The following SUPT3H variants were observed in gnomAD, a reference collection of about 807,000 sequenced individuals.
The protein encoded by SUPT3H is transcription initiation protein SPT3 homolog.
SUPT3H carries 44 observed loss-of-function variants against 44.3 expected under a neutral mutation model. That is an observed-to-expected ratio of 0.99 (90% CI 0.78 to 1.28). The LOEUF is 1.28. SUPT3H is among the 50% of genes most tolerant of loss of function. The pLI, the probability that SUPT3H is intolerant of heterozygous loss-of-function variation, is 0.00. For synonymous variants in SUPT3H, 124 were observed against 125.6 expected, an observed-to-expected ratio of 0.99 and a Z score of 0.09; for missense variants, 380 against 387.1, an observed-to-expected ratio of 0.98 and a Z score of 0.15.
intron 3 of SUPT3H, among the ~76,000 whole-genome samples, chr6:45,053,658 G>C (rs774495726): frequency 2.7e-5 from 4 of 150,734 alleles, no homozygotes; most frequent in Non-Finnish European, 5.9e-5. Flanking sequence ...CAGCACTTTG[G>C]GAGGCCGAAG....
intron 5 of SUPT3H, among the ~76,000 whole-genome samples, chr6:45,012,490 T>C (rs1427154261): frequency 6.6e-6 from 1 of 152,096 alleles, no homozygotes; most frequent in East Asian, 1.9e-4. Flanking sequence ...AACTCCGTAA[T>C]TTCTATTTTT....
At chr6:44,890,675 G>T (rs1763144225) in intron 10 of SUPT3H, among the ~76,000 whole-genome samples, 2 of 149,648 alleles carry the variant, frequency 1.3e-5, no homozygotes, top group Admixed American at 1.3e-4. Context: ...GAGTTAATGG[G>T]TGCAGCACAC....
At chr6:45,165,664 T>G (rs1317745463) in intron 2 of SUPT3H, among the ~76,000 whole-genome samples, 2 of 151,792 alleles carry the variant, frequency 1.3e-5, no homozygotes. Context: ...ACAAAAAATA[T>G]CAAATGAAAG....
At chr6:44,994,094 G>C (rs1259698119) in intron 6 of SUPT3H, among the ~76,000 whole-genome samples, 1 of 151,960 alleles carries the variant, frequency 6.6e-6, no homozygotes, top group Non-Finnish European at 1.5e-5. Context: ...GTAATAATTA[G>C]AATAGTAACC....
chr6:45,342,776 C>T (rs1790072084), intron 2 of SUPT3H, among the ~76,000 whole-genome samples: 4 of 151,798 alleles, frequency 2.6e-5, no homozygotes, highest in Admixed American at 2.6e-4. Context: ...TGAACCCATA[C>T]AAAAAAATAC....
intron 2 of SUPT3H, among the ~76,000 whole-genome samples, chr6:45,204,400 G>A (rs978202533): frequency 6.6e-6 from 1 of 152,054 alleles, no homozygotes; most frequent in Non-Finnish European, 1.5e-5. Context: ...CCATGCAGAA[G>A]ATACACAGGT....
At chr6:45,292,858 A>C (rs1031595337) in intron 2 of SUPT3H, among the ~76,000 whole-genome samples, 1 of 151,324 alleles carries the variant, frequency 6.6e-6, no homozygotes, top group African/African-American at 2.4e-5. Context: ...AGACCTAAGA[A>C]ATGAGATAGA....
intron 2 of SUPT3H, among the ~76,000 whole-genome samples, chr6:45,321,174 G>A (rs1423036510): frequency 1.3e-5 from 2 of 151,898 alleles, no homozygotes; most frequent in Non-Finnish European, 2.9e-5. Context: ...TTTTTTTACT[G>A]TGAATAAAAT....
chr6:45,070,428 T>A (rs889673677), intron 3 of SUPT3H, among the ~76,000 whole-genome samples: 2 of 152,134 alleles, frequency 1.3e-5, no homozygotes, highest in Non-Finnish European at 2.9e-5. Flanking sequence ...TAAGGTCACA[T>A]GCATGGACAA....
At chr6:44,990,862 A>G (rs1481590281) in intron 6 of SUPT3H, among the ~76,000 whole-genome samples, 1 of 149,306 alleles carries the variant, frequency 6.7e-6, no homozygotes, top group African/African-American at 2.5e-5. Context: ...ATTTAAAATA[A>G]ATTTATTATT....
intron 2 of SUPT3H, among the ~76,000 whole-genome samples, chr6:45,267,302 A>T (rs1298731253): frequency 6.6e-6 from 1 of 152,228 alleles, no homozygotes; most frequent in Non-Finnish European, 1.5e-5. Context: ...GGAGTTAACA[A>T]GGACATCTAA....
intron 9 of SUPT3H, among the ~76,000 whole-genome samples, chr6:44,938,047 T>C (rs1771775833): frequency 6.6e-6 from 1 of 151,738 alleles, no homozygotes; most frequent in Non-Finnish European, 1.5e-5. Flanking sequence ...CACTATCTTA[T>C]TTCTTTTTCC....
chr6:45,184,775 GAAAAAAAAAAAAAAAA>G (rs55652227), intron 2 of SUPT3H, among the ~76,000 whole-genome samples: 74,843 of 130,354 alleles, frequency 0.57, 19,965 homozygotes, highest in East Asian at 0.76. Flanking sequence ...ACAGGCAGAG[GAAAAAAAAAAAAAAAA>G]AAAAAAAAAA....
chr6:44,895,187 G>A (rs905057212), intron 10 of SUPT3H, among the ~76,000 whole-genome samples: 8 of 150,982 alleles, frequency 5.3e-5, no homozygotes, highest in Admixed American at 5.3e-4. Flanking sequence ...AGATGTATCA[G>A]AGGTGGTCTT....
intron 2 of SUPT3H, among the ~76,000 whole-genome samples, chr6:45,283,472 G>A (rs1378940035): frequency 1.1e-4 from 17 of 151,808 alleles, no homozygotes; most frequent in Admixed American, 2.0e-4. Context: ...ACCAACAAAG[G>A]TCAAAAGAGA....
Position 44,968,098 on chromosome 6 carries a change from A to T in SUPT3H, c.505-6270T>A, listed in dbSNP as rs548121198. Among the ~76,000 whole-genome samples, 284 of 151,874 alleles carry T rather than the reference A, an allele frequency of 1.9e-3. 1 individual carries two copies. The highest frequency in any genetic ancestry group is 6.3e-3 in the African/African-American group (261 of 41,470). The stretch of plus-strand genomic sequence containing the variant: ...ATGAGCCACTGCACCTGGCCAAAAA[A>T]TTTTTTTTAATCTTATTCTGATTAC... On this transcript the variant is annotated intron_variant, in intron 6 of 10. Coordinates refer to ENST00000371459, the MANE Select transcript of SUPT3H (RefSeq NM_003599.4).
At chr6:45,219,455 C>T (rs75275564) in intron 2 of SUPT3H, among the ~76,000 whole-genome samples, 2,145 of 151,992 alleles carry the variant, frequency 0.014, 24 homozygotes, top group Non-Finnish European at 0.022. Context: ...ACGACATTAC[C>T]ACAAATCCTG....
At chr6:45,318,152 T>C (rs1784976591) in intron 2 of SUPT3H, among the ~76,000 whole-genome samples, 1 of 152,126 alleles carries the variant, frequency 6.6e-6, no homozygotes, top group South Asian at 2.1e-4. Context: ...AGATCCGTTG[T>C]CACAATGGTT....
chr6:45,040,444 G>C (rs1054559420), intron 3 of SUPT3H, among the ~76,000 whole-genome samples: 3 of 152,174 alleles, frequency 2.0e-5, no homozygotes, highest in African/African-American at 7.2e-5. Context: ...ATAAGAAATA[G>C]TTGTTTGAAA....
Sources: gnomAD v4.1 joint callset for allele counts (sites outside exome capture counted in the v4.1 genomes callset) on GRCh38, gnomAD v4.1.1 for gene constraint, MANE v1.5 for transcripts, NCBI Gene and HGNC (gene_info 2026-07-23, HGNC 2026-07-21) for gene names.